ECT2L: variants seen among roughly 807,000 people sequenced by gnomAD.
ECT2L encodes the protein epithelial cell-transforming sequence 2 oncogene-like.
In ECT2L, 126 loss-of-function variants were observed where a neutral mutation model predicts 122.8. The observed-to-expected ratio is 1.03, with a 90% CI of 0.89 to 1.19. The LOEUF (loss-of-function observed/expected upper bound fraction) is 1.19. Among genes scored for constraint, ECT2L ranks in the 50% most tolerant of loss-of-function variants. The pLI, the probability that ECT2L is intolerant of heterozygous loss-of-function variation, is 0.00. For synonymous variants in ECT2L, 385 were observed against 381.8 expected (o/e 1.01, Z -0.10); for missense variants, 1,012 against 1,064.1 (o/e 0.95, Z 0.68).
At chr6:138,835,941 G>C (rs1341059318) in intron 4 of ECT2L, among the ~76,000 whole-genome samples, 1 of 152,150 alleles carries the variant, frequency 6.6e-6, no homozygotes, top group South Asian at 2.1e-4. Context: ...CTTATGACTT[G>C]ATACTTTTGA....
intron 1 of ECT2L, among the ~76,000 whole-genome samples, chr6:138,804,947 C>T (rs988147975): frequency 6.6e-5 from 10 of 152,152 alleles, no homozygotes; most frequent in South Asian, 4.1e-4. Flanking sequence ...TCCCTCTCTA[C>T]GTCAGCACCA....
intron 20 of ECT2L, among the ~76,000 whole-genome samples, chr6:138,895,572 TATA>T: frequency 6.6e-6 from 1 of 152,098 alleles, no homozygotes; most frequent in African/African-American, 2.4e-5. Flanking sequence ...CATATATATA[TATA>T]TTTTTCTTTT....
At chr6:138,885,644 C>A (rs768165461) in intron 17 of ECT2L, 30 bp from the exon 18 acceptor site, 98 of 1,613,648 alleles carry the variant, frequency 6.1e-5, no homozygotes, top group Non-Finnish European at 1.8e-5. Flanking sequence ...CCTTCAGAGA[C>A]CAGAGCTCCC....
Position 138,880,969 on chromosome 6 carries a change from C to T in ECT2L, c.1678C>T (p.Gln560Ter). ...CACTTCTCTACAGGAGAGAATACTC[C>T]AGAAGGACTCAGCAGAAAAGCGAGC... ...EALINLERIL[Q>*]KDSAEKRARV... Residue 560 changes from glutamine (Q) to a stop codon, truncating the protein, a stop_gained, in exon 15 of 22, where the codon CAG becomes TAG. Coordinates refer to ENST00000541398, the MANE Select transcript of ECT2L (RefSeq NM_001077706.3). LOFTEE classifies it high-confidence loss of function. 1 of 1,613,784 alleles carries T rather than the reference C, an allele frequency of 6.2e-7. No individual in the cohort carries two copies. The highest frequency in any genetic ancestry group is 1.7e-5 in the Admixed American group (1 of 60,018).
intron 4 of ECT2L, among the ~76,000 whole-genome samples, chr6:138,837,227 T>G (rs959116415): frequency 6.6e-6 from 1 of 152,206 alleles, no homozygotes; most frequent in Admixed American, 6.5e-5. Flanking sequence ...TTTCCTCCTT[T>G]ACATACTTGT....
chr6:138,849,537 A>C, intron 9 of ECT2L, 103 bp downstream of exon 9: 5 of 1,147,452 alleles, frequency 4.4e-6, no homozygotes, highest in Non-Finnish European at 5.9e-6. Context: ...AGTTGCTAAG[A>C]CGTGTTGATT....
At chr6:138,848,957 T>G (rs1469132479) in intron 8 of ECT2L, among the ~76,000 whole-genome samples, 3 of 152,182 alleles carry the variant, frequency 2.0e-5, no homozygotes, top group South Asian at 4.1e-4. Flanking sequence ...GCTTGGCCAT[T>G]ATTACTTTTT....
In ECT2L at chr6:138,863,456, C is replaced by T. The variant is rs76723102; in HGVS notation, c.1291+737C>T. Among the ~76,000 whole-genome samples, 946 of 152,256 alleles carry T rather than the reference C, an allele frequency of 6.2e-3. 9 individuals are homozygous for T. Among genetic ancestry groups the T allele is most frequent in the African/African-American group, 0.022 (895 of 41,536 alleles). Reference sequence around the variant, plus strand: ...TGTAGATATAACAAAAGTGCTTTGACCTAACATAGTTTTGAAGCAGAGGTC... The same window carrying T: ...TGTAGATATAACAAAAGTGCTTTGATCTAACATAGTTTTGAAGCAGAGGTC... On this transcript the variant is annotated intron_variant, in intron 11 of 21. Coordinates refer to ENST00000541398, the MANE Select transcript of ECT2L (RefSeq NM_001077706.3).
rs142462923 is a variant in ECT2L, at chr6:138,827,600, G to A, written c.180-10752G>A. The stretch of plus-strand genomic sequence containing the variant: ...GAGATGGAGTCTCACTCTGTTCCCC[G>A]GGCTGGAGTGCAGCCGCACAATCTT... On this transcript the variant is annotated intron_variant, in intron 4 of 21. Coordinates refer to ENST00000541398, the MANE Select transcript of ECT2L (RefSeq NM_001077706.3). 3.7e-3 allele frequency among the ~76,000 whole-genome samples: 557 copies of A among 151,814 alleles called. 3 individuals carry two copies. The highest frequency in any genetic ancestry group is 0.012 in the African/African-American group (510 of 41,418).
intron 9 of ECT2L, among the ~76,000 whole-genome samples, chr6:138,852,845 T>C (rs761643881): frequency 7.9e-5 from 12 of 152,042 alleles, no homozygotes; most frequent in Non-Finnish European, 1.5e-4. Flanking sequence ...ATGATGGGAG[T>C]AAGTTTATCT....
At chr6:138,842,849 A>G in intron 5 of ECT2L, 130 bp from the exon 6 acceptor site, 1 of 796,946 alleles carries the variant, frequency 1.3e-6, no homozygotes, top group Non-Finnish European at 1.8e-6. Flanking sequence ...ATGGATTTGC[A>G]TACAAATTCT....
intron 6 of ECT2L, 117 bp downstream of exon 6, chr6:138,843,348 TA>T: frequency 9.4e-7 from 1 of 1,068,712 alleles, no homozygotes; most frequent in Non-Finnish European, 1.3e-6. Flanking sequence ...GTGGCAGTCT[TA>T]AGTATTTTCC....
intron 10 of ECT2L, among the ~76,000 whole-genome samples, chr6:138,859,227 C>T (rs948683380): frequency 7.9e-5 from 12 of 152,186 alleles, no homozygotes; most frequent in Admixed American, 7.2e-4. Context: ...CCCATCCGAT[C>T]CATGTATCAG....
Position 138,825,144 on chromosome 6 carries a change from T to C in ECT2L, c.179+10541T>C, listed in dbSNP as rs1776401201. Among the ~76,000 whole-genome samples the C allele has an allele frequency of 3.3e-5, 5 of 152,130 alleles. No individual in the cohort carries two copies. In the South Asian group the frequency reaches 1.0e-3, roughly 31 times the overall value. On this transcript the variant is annotated intron_variant, in intron 4 of 21. Coordinates refer to ENST00000541398, the MANE Select transcript of ECT2L (RefSeq NM_001077706.3). ...TGCCCTCAGGATGGGATATTTACGC[T>C]GGAGTCTGAAGGATGAGTAGGAGTC... is the stretch of plus-strand genomic sequence containing the variant.
chr6:138,896,854 G>A (rs1024477557), intron 20 of ECT2L, among the ~76,000 whole-genome samples: 5 of 151,980 alleles, frequency 3.3e-5, no homozygotes, highest in African/African-American at 9.7e-5. Context: ...CGCCATGTTG[G>A]CCAGGCTAGT....
chr6:138,811,406 GT>G (rs760205869), intron 1 of ECT2L, among the ~76,000 whole-genome samples: 3 of 152,154 alleles, frequency 2.0e-5, no homozygotes, highest in Non-Finnish European at 4.4e-5. Flanking sequence ...TGACACAGAG[GT>G]ACTGGTTATG....
chr6:138,817,092 T>C (rs1419102513), intron 4 of ECT2L, among the ~76,000 whole-genome samples: 2 of 152,240 alleles, frequency 1.3e-5, no homozygotes, highest in Non-Finnish European at 2.9e-5. Flanking sequence ...TATTATAACG[T>C]TCTCAAGGTT....
At position 138,903,762 on chromosome 6, in the gene ECT2L, T is replaced by G. The variant is rs942355943; in HGVS notation, c.*1135T>G. 6.6e-6 allele frequency: 1 copy of G among 152,208 alleles called. No individual in the cohort carries two copies. Among genetic ancestry groups the G allele is most frequent in the African/African-American group, 2.4e-5 (1 of 41,444 alleles). The allele number at this position is 152,208 out of a possible 1,614,324, so 9.4% of individuals were successfully genotyped here. On this transcript the variant is annotated 3_prime_UTR_variant, in exon 22 of 22. Coordinates refer to ENST00000541398, the MANE Select transcript of ECT2L (RefSeq NM_001077706.3). ...TATTATTTAACAACTAAAGCCATAC[T>G]GAAAGCCACTTGGAAACTTCAGCTG...
chr6:138,870,686 T>C (rs543603568), intron 13 of ECT2L, among the ~76,000 whole-genome samples: 4 of 152,234 alleles, frequency 2.6e-5, no homozygotes, highest in African/African-American at 9.6e-5. Flanking sequence ...TAGTTGAGAT[T>C]CAAATTCATT....
Sources: gnomAD v4.1 joint callset for allele counts (sites outside exome capture counted in the v4.1 genomes callset) on GRCh38, gnomAD v4.1.1 for gene constraint, MANE v1.5 for transcripts, NCBI Gene and HGNC (gene_info 2026-07-23, HGNC 2026-07-21) for gene names.